CTNNAL1: variants seen among roughly 807,000 people sequenced by gnomAD.
The protein encoded by CTNNAL1 is catenin alpha like 1.
A neutral mutation model predicts 93.6 loss-of-function variants in CTNNAL1; 69 were observed. The observed-to-expected ratio is 0.74, with a 90% CI of 0.61 to 0.90. The LOEUF (loss-of-function observed/expected upper bound fraction) is 0.90. CTNNAL1 is among the 40% of genes least tolerant of loss of function. CTNNAL1 has a pLI of 0.00. For synonymous variants in CTNNAL1, 286 were observed against 305.4 expected (o/e 0.94, Z 0.66); for missense variants, 836 against 862.0 (o/e 0.97, Z 0.38).
intron 1 of CTNNAL1, among the ~76,000 whole-genome samples, chr9:109,000,788 C>A (rs932952906): frequency 6.6e-6 from 1 of 151,066 alleles, no homozygotes; most frequent in Non-Finnish European, 1.5e-5. Flanking sequence ...GATAGTGGGT[C>A]GGGGGCAAGT....
chr9:108,990,812 T>G lies in CTNNAL1; in HGVS notation c.553A>C (p.Asn185His), dbSNP rs1831770883. Reference sequence around the variant, plus strand: ...ATTTGGACAAACTCTTGAAAGCTATTCACTTTCTCTAGTCTTTCCATAGTT... The same window carrying G: ...ATTTGGACAAACTCTTGAAAGCTATGCACTTTCTCTAGTCTTTCCATAGTT... Reference protein sequence around the residue: ...LATMERLEKVNSFQEFVQIFS... With the variant: ...LATMERLEKVHSFQEFVQIFS... The change falls in exon 4 of 19, where the codon AAT becomes CAT. Residue 185 changes from asparagine to histidine, a missense_variant. Transcript: ENST00000325551. The G allele has an allele frequency of 6.2e-7, 1 of 1,613,510 alleles. No individual in the cohort carries two copies.
At chr9:108,956,099 T>C (rs1216197512) in intron 11 of CTNNAL1, among the ~76,000 whole-genome samples, 2 of 152,226 alleles carry the variant, frequency 1.3e-5, no homozygotes. Flanking sequence ...CCACTGACAT[T>C]TACTGCCACT....
Position 108,948,205 on chromosome 9 carries a change from T to A in CTNNAL1, c.1865A>T (p.Asp622Val). 2 of 1,612,290 alleles carry A rather than the reference T, an allele frequency of 1.2e-6. No individual in the cohort carries two copies. The highest frequency in any genetic ancestry group is 2.7e-5 in the African/African-American group (2 of 75,004). The change falls in exon 15 of 19, where the codon GAT (aspartate) becomes GTT (valine). Residue 622 changes from aspartate to valine, a missense_variant. By Grantham distance (152) the Asp-to-Val change is radical. Transcript: ENST00000325551. ...RGEGPLKTSQ[D>V]LIHQLEVFAA... ...GCATACCTCTAGTTGATGAATTAAA[T>A]CCTGGGAAGTTTTCAGTGGCCCCTC...
At chr9:108,957,007 T>C (rs188491438) in intron 11 of CTNNAL1, among the ~76,000 whole-genome samples, 372 of 151,760 alleles carry the variant, frequency 2.5e-3, no homozygotes, top group African/African-American at 8.6e-3. Flanking sequence ...AAATATTGAT[T>C]ATATACTAAA....
chr9:109,008,831 T>C (rs1300967425), intron 1 of CTNNAL1, among the ~76,000 whole-genome samples: 1 of 151,604 alleles, frequency 6.6e-6, no homozygotes, highest in South Asian at 2.1e-4. Flanking sequence ...GGAATCATAT[T>C]CTCCCACTTA....
intron 2 of CTNNAL1, among the ~76,000 whole-genome samples, chr9:108,997,800 C>T (rs1171176625): frequency 1.3e-5 from 2 of 152,204 alleles, no homozygotes; most frequent in Admixed American, 1.3e-4. Flanking sequence ...ACAAAGCCAC[C>T]TTTCACCACC....
chr9:108,974,936 G>T (rs1831219170), intron 8 of CTNNAL1, among the ~76,000 whole-genome samples: 1 of 152,152 alleles, frequency 6.6e-6, no homozygotes, highest in Non-Finnish European at 1.5e-5. Flanking sequence ...GCCAGGGCAG[G>T]TGGATCGTTT....
Position 108,992,651 on chromosome 9 carries a change from A to T in CTNNAL1, c.500T>A (p.Ile167Lys), listed in dbSNP as rs1475991157. ...AAGTACCTTATTTCTTGATGTTATT[A>T]TCTGTTTAATGACTACTCGGTCTGC... is the stretch of plus-strand genomic sequence containing the variant. ...LLADRVVIKQ[I>K]ITSRNKVLAT... The change falls in exon 3 of 19, where the codon ATA becomes AAA. Residue 167 changes from isoleucine (I) to lysine (K), a missense_variant. Coordinates refer to ENST00000325551, the MANE Select transcript of CTNNAL1 (RefSeq NM_003798.4). The T allele has an allele frequency of 6.2e-7, 1 of 1,611,140 alleles. No homozygotes were observed. The highest frequency in any genetic ancestry group is 8.5e-7 in the Non-Finnish European group (1 of 1,178,960).
intron 14 of CTNNAL1, among the ~76,000 whole-genome samples, chr9:108,949,992 C>T (rs894791043): frequency 1.8e-4 from 27 of 150,240 alleles, no homozygotes; most frequent in Admixed American, 1.7e-3. Flanking sequence ...CCACTGCACT[C>T]CAGCCTGGGT....
chr9:108,955,487 C>A (rs1342067118), intron 12 of CTNNAL1, among the ~76,000 whole-genome samples: 1 of 152,208 alleles, frequency 6.6e-6, no homozygotes, highest in African/African-American at 2.4e-5. Flanking sequence ...AACAAAACAA[C>A]TTCTGACTTC....
At chr9:108,999,523 C>A (rs893886034) in intron 1 of CTNNAL1, among the ~76,000 whole-genome samples, 65 of 152,156 alleles carry the variant, frequency 4.3e-4, no homozygotes, top group Non-Finnish European at 4.4e-4. Flanking sequence ...AGAGGCCCTC[C>A]AGATCTTTCA....
chr9:108,963,013 A>T (rs1319091913), intron 11 of CTNNAL1, among the ~76,000 whole-genome samples: 1 of 152,220 alleles, frequency 6.6e-6, no homozygotes, highest in Admixed American at 6.5e-5. Context: ...AGAGGAAGGA[A>T]GAGACCCCTT....
intron 2 of CTNNAL1, among the ~76,000 whole-genome samples, chr9:108,993,359 G>A (rs774434368): frequency 3.9e-5 from 6 of 152,134 alleles, no homozygotes; most frequent in South Asian, 4.1e-4. Context: ...ATGGGGGCCC[G>A]GAAAGAACTG....
In CTNNAL1 at chr9:108,944,024, A is replaced by G; in HGVS notation, c.1885-6T>C. On this transcript the variant is annotated splice_region_variant and splice_polypyrimidine_tract_variant and intron_variant, in intron 15 of 18. Transcript: ENST00000325551. ...AAACCCTCTGCAGCAAAAACCTGGT[A>G]GAAAGAGAAAACACCACTATTTTAG... The G allele has an allele frequency of 6.2e-7, 1 of 1,612,998 alleles. No individual in the cohort carries two copies. Among genetic ancestry groups the G allele is most frequent in the Non-Finnish European group, 8.5e-7 (1 of 1,179,466 alleles).
chr9:108,943,624 C>G, intron 17 of CTNNAL1, 79 bp downstream of exon 17: 2 of 1,210,550 alleles, frequency 1.7e-6, no homozygotes, highest in Non-Finnish European at 2.3e-6. Context: ...TCTGTGGGTA[C>G]TAACAGTTTA....
intron 11 of CTNNAL1, among the ~76,000 whole-genome samples, chr9:108,957,114 G>T (rs1830705803): frequency 6.8e-6 from 1 of 146,560 alleles, no homozygotes; most frequent in South Asian, 2.2e-4. Flanking sequence ...GTGCCTGTTA[G>T]AATTTTTTTT....
At chr9:109,002,734 A>G (rs1826881484) in intron 1 of CTNNAL1, among the ~76,000 whole-genome samples, 1 of 152,108 alleles carries the variant, frequency 6.6e-6, no homozygotes, top group Admixed American at 6.5e-5. Context: ...TATAATCATC[A>G]GCACTTTGGG....
At chr9:108,981,869 G>T (rs141346184) in intron 6 of CTNNAL1, among the ~76,000 whole-genome samples, 98 of 152,320 alleles carry the variant, frequency 6.4e-4, no homozygotes, top group African/African-American at 2.2e-3. Context: ...AGGTTGCAGT[G>T]AGCCAAGATC....
At chr9:108,945,634 T>C (rs1032734144) in intron 15 of CTNNAL1, among the ~76,000 whole-genome samples, 2 of 151,032 alleles carry the variant, frequency 1.3e-5, no homozygotes, top group Admixed American at 6.6e-5. Flanking sequence ...GCTAGTTTTT[T>C]TTTTTTTTGT....
Sources: allele counts gnomAD v4.1 joint callset (sites outside exome capture counted in the v4.1 genomes callset), GRCh38; gene constraint gnomAD v4.1.1; transcripts MANE v1.5; gene names NCBI Gene and HGNC (gene_info 2026-07-23, HGNC 2026-07-21).